LCOR: variants seen among roughly 807,000 people sequenced by gnomAD.
The protein encoded by LCOR is ligand-dependent corepressor.
A neutral mutation model predicts 64.4 loss-of-function variants in LCOR; 14 were observed. The ratio of observed to expected loss-of-function variants is 0.22; its 90% CI spans 0.14 to 0.34. The LOEUF (loss-of-function observed/expected upper bound fraction) is 0.34, where lower values mean the gene tolerates loss of function less well. Ranked by LOEUF, LCOR falls within the 10% of genes least tolerant of loss-of-function variation. The pLI is 1.00. For synonymous variants in LCOR, 643 were observed against 642.5 expected (o/e 1.00, Z -0.01); for missense variants, 1,686 against 1,765.3 (o/e 0.96, Z 0.80).
At chr10:96,837,139 C>T (rs142655363) in intron 2 of LCOR, among the ~76,000 whole-genome samples, 1,767 of 152,114 alleles carry the variant, frequency 0.012, 23 homozygotes, top group Non-Finnish European at 0.019. Flanking sequence ...TACAGGTGCC[C>T]GCCACCACGC....
At chr10:96,955,929 T>C (rs778696788) in intron 7 of LCOR, 8 of 1,608,108 alleles carry the variant, frequency 5.0e-6, no homozygotes, top group South Asian at 4.4e-5. Flanking sequence ...GTAGGAATAC[T>C]GTAGAGTGCC....
At chr10:96,882,207 C>T (rs148913754) in intron 2 of LCOR, among the ~76,000 whole-genome samples, 126 of 152,208 alleles carry the variant, frequency 8.3e-4, no homozygotes, top group African/African-American at 2.8e-3. Context: ...CTTTTTTGCA[C>T]ATTTCTTTAA....
chr10:96,921,378 T>G (rs1048664360), intron 4 of LCOR, among the ~76,000 whole-genome samples: 9 of 152,190 alleles, frequency 5.9e-5, no homozygotes, highest in Non-Finnish European at 1.0e-4. Context: ...TAGTTTTAGC[T>G]CTTACAATTA....
intron 4 of LCOR, among the ~76,000 whole-genome samples, chr10:96,926,449 TAAC>T (rs1228066612): frequency 1.2e-4 from 18 of 152,178 alleles, no homozygotes; most frequent in Non-Finnish European, 1.0e-4. Flanking sequence ...GTGACACAAA[TAAC>T]AAGCAAAAAT....
At chr10:96,912,617 TTCCTTCCTTCCTTC>T (rs1846861951) in intron 4 of LCOR, among the ~76,000 whole-genome samples, 2 of 148,342 alleles carry the variant, frequency 1.3e-5, no homozygotes, top group African/African-American at 4.9e-5. Context: ...TCTTCCTTCC[TTCCTTCCTTCCTTC>T]CTTCCTTCCT....
At chr10:96,867,208 A>T (rs777085068) in intron 2 of LCOR, among the ~76,000 whole-genome samples, 1 of 151,576 alleles carries the variant, frequency 6.6e-6, no homozygotes, top group Non-Finnish European at 1.5e-5. Context: ...GGTCAGGCTG[A>T]TGTCGAACTC....
chr10:96,983,800 T>C lies in LCOR; in HGVS notation c.3340T>C (p.Phe1114Leu). The C allele has an allele frequency of 6.2e-7, 1 of 1,614,072 alleles. No homozygotes were observed. The highest frequency in any genetic ancestry group is 8.5e-7 in the Non-Finnish European group (1 of 1,180,022). The change falls in exon 8 of 8, where the codon TTC becomes CTC. Residue 1114 changes from phenylalanine to leucine, a missense_variant. Around this residue, in one of 3 missense-constraint regions of LCOR, gnomAD observed 1,293 missense variants for 1,410.4 expected, o/e 0.92. Transcript: ENST00000421806. This position sits in a 1 kb window ranked among gnomAD's most constrained non-coding sequence, Gnocchi z 4.5. The part of the protein sequence containing the change: ...EEENQELIAN[F>L]NAQYMKVQKG... ...GGAGAACCAAGAGCTCATCGCCAAC[T>C]TCAATGCCCAGTACATGAAAGTTCA...
intron 2 of LCOR, among the ~76,000 whole-genome samples, chr10:96,896,340 G>A (rs1846536544): frequency 6.6e-6 from 1 of 152,084 alleles, no homozygotes; most frequent in South Asian, 2.1e-4. Context: ...AGGAATGGGG[G>A]AAAATATGAG....
At chr10:96,965,829 T>C (rs547659002) in intron 7 of LCOR, among the ~76,000 whole-genome samples, 12 of 152,234 alleles carry the variant, frequency 7.9e-5, no homozygotes, top group Non-Finnish European at 1.3e-4. Flanking sequence ...GAAAGCTAAT[T>C]ATTATTTTGC....
chr10:96,946,512 A>G (rs1454478159), intron 5 of LCOR, among the ~76,000 whole-genome samples: 1 of 152,088 alleles, frequency 6.6e-6, no homozygotes, highest in Non-Finnish European at 1.5e-5. Flanking sequence ...ATTTTAAGAT[A>G]CACAGGTGGC....
At chr10:96,832,445 G>T in intron 1 of LCOR, 46 bp downstream of exon 1, 1 of 795,900 alleles carries the variant, frequency 1.3e-6, no homozygotes, top group Non-Finnish European at 1.5e-6. Context: ...CCGCCCCGCC[G>T]CCGGTCGCCC....
At chr10:96,943,721 G>C (rs1847537991) in intron 4 of LCOR, among the ~76,000 whole-genome samples, 1 of 150,004 alleles carries the variant, frequency 6.7e-6, no homozygotes, top group Admixed American at 6.7e-5. Flanking sequence ...ATGAGATTTG[G>C]AATTCAAAAA....
At chr10:96,875,998 C>T (rs1235819880) in intron 2 of LCOR, among the ~76,000 whole-genome samples, 4 of 149,830 alleles carry the variant, frequency 2.7e-5, no homozygotes, top group Non-Finnish European at 4.4e-5. Flanking sequence ...CTAGCTGGGT[C>T]AGAGACTTAA....
At chr10:96,969,550 T>A (rs1847979082) in intron 7 of LCOR, among the ~76,000 whole-genome samples, 1 of 152,186 alleles carries the variant, frequency 6.6e-6, no homozygotes, top group South Asian at 2.1e-4. Context: ...TGTAGACTTC[T>A]TTTTGCATGG....
rs1207862046 is a variant in LCOR at position 96,984,822 on chromosome 10, G to T, written c.4362G>T (p.Glu1454Asp). The T allele has an allele frequency of 1.2e-6, 2 of 1,613,996 alleles. No individual in the cohort carries two copies. Among genetic ancestry groups the T allele is most frequent in the Non-Finnish European group, 1.7e-6 (2 of 1,180,040 alleles). ...CCCCCAAAAAGACGTCTTTGAAAGA[G>T]AATAAAGTGAAGATCCCTAAAAAGT... Reference protein sequence around the residue: ...SQPPKKTSLKENKVKIPKKSA... With the variant: ...SQPPKKTSLKDNKVKIPKKSA... The change falls in exon 8 of 8, where the codon GAG (glutamate) becomes GAT (aspartate). Residue 1454 changes from glutamate to aspartate, a missense_variant. By Grantham distance (45) the Glu-to-Asp change is conservative. Around this residue, in one of 3 missense-constraint regions of LCOR, gnomAD observed 1,293 missense variants for 1,410.4 expected, o/e 0.92. Coordinates refer to ENST00000421806, the MANE Select transcript of LCOR (RefSeq NM_001346516.2).
At chr10:96,870,640 A>G (rs565730201) in intron 2 of LCOR, among the ~76,000 whole-genome samples, 2 of 152,146 alleles carry the variant, frequency 1.3e-5, no homozygotes, top group Non-Finnish European at 2.9e-5. Flanking sequence ...TCAAAAACCT[A>G]TTGTTTGATA....
At chr10:96,904,887 G>T (rs953658122) in intron 2 of LCOR, among the ~76,000 whole-genome samples, 8 of 152,152 alleles carry the variant, frequency 5.3e-5, no homozygotes, top group African/African-American at 1.9e-4. Flanking sequence ...AAACTGAGTG[G>T]CATTAACATC....
chr10:96,922,782 A>G (rs758046651), intron 4 of LCOR, among the ~76,000 whole-genome samples: 1 of 152,230 alleles, frequency 6.6e-6, no homozygotes, highest in East Asian at 1.9e-4. Context: ...AACTAGTGTA[A>G]TAGTAATAAT....
At chr10:96,945,453 A>C (rs1847571227) in intron 5 of LCOR, among the ~76,000 whole-genome samples, 1 of 152,082 alleles carries the variant, frequency 6.6e-6, no homozygotes, top group Non-Finnish European at 1.5e-5. Context: ...TGTTTAGTAC[A>C]TCCTTAATTC....
Sources: allele counts gnomAD v4.1 joint callset (sites outside exome capture counted in the v4.1 genomes callset), GRCh38; gene constraint gnomAD v4.1.1; regional missense constraint gnomAD v4.1.1; non-coding constraint Gnocchi (gnomAD v3.1); transcripts MANE v1.5; gene names NCBI Gene and HGNC (gene_info 2026-07-23, HGNC 2026-07-21).